UGT2A3: variants seen among roughly 807,000 people sequenced by gnomAD.
UGT2A3 encodes the protein UDP-glucuronosyltransferase 2A3.
UGT2A3 carries 55 observed loss-of-function variants against 44.1 expected under a neutral mutation model. The ratio of observed to expected loss-of-function variants is 1.25; its 90% CI spans 1.00 to 1.56. The LOEUF is 1.56. Among genes scored for constraint, UGT2A3 ranks in the 40% most tolerant of loss-of-function variants. The probability of loss-of-function intolerance (pLI) is 0.00; values close to 1 mark genes in which losing one functional copy is unlikely to be tolerated. For synonymous variants in UGT2A3, 243 were observed against 215.1 expected (o/e 1.13, Z -1.13); for missense variants, 733 against 621.6 (o/e 1.18, Z -1.91).
At chr4:68,932,793 A>G (rs1347468190) in intron 2 of UGT2A3, 34 bp from the exon 3 acceptor site, 6 of 1,570,172 alleles carry the variant, frequency 3.8e-6, no homozygotes, top group South Asian at 3.5e-5. Context: ...TTACAGAGGC[A>G]TAATATAACA....
At chr4:68,940,724 TATATATAATATACACATATATAC>T (rs1186298772) in intron 2 of UGT2A3, among the ~76,000 whole-genome samples, 5 of 146,758 alleles carry the variant, frequency 3.4e-5, no homozygotes, top group African/African-American at 7.6e-5. Context: ...AAGTATTGTA[TATATATAATATACACATATATAC>T]ATATATATAA....
intron 2 of UGT2A3, among the ~76,000 whole-genome samples, chr4:68,943,089 T>C (rs541148473): frequency 6.6e-6 from 1 of 151,838 alleles, no homozygotes; most frequent in Non-Finnish European, 1.5e-5. Flanking sequence ...CCCTAAAATA[T>C]ATCTCAATTA....
chr4:68,940,645 T>G (rs1469202692), intron 2 of UGT2A3, among the ~76,000 whole-genome samples: 1 of 151,408 alleles, frequency 6.6e-6, no homozygotes. Context: ...TGTATACCTA[T>G]GTAACTGACC....
intron 2 of UGT2A3, chr4:68,943,434 C>A: frequency 1.3e-6 from 1 of 743,406 alleles, no homozygotes; most frequent in Non-Finnish European, 1.8e-6. Context: ...CATCAATACA[C>A]ATCTTACTAT....
intron 2 of UGT2A3, among the ~76,000 whole-genome samples, chr4:68,935,272 G>GTGTATATATATA (rs1388458483): frequency 4.5e-5 from 4 of 89,284 alleles, no homozygotes; most frequent in Non-Finnish European, 7.9e-5. Flanking sequence ...ATGTATGTAT[G>GTGTATATATATA]TATGTATATA....
intron 2 of UGT2A3, among the ~76,000 whole-genome samples, chr4:68,934,646 A>G (rs1027788256): frequency 6.6e-6 from 1 of 151,982 alleles, no homozygotes; most frequent in African/African-American, 2.4e-5. Context: ...CAGAGGCTGA[A>G]GAATCACTTG....
chr4:68,951,628 C>T lies in UGT2A3; in HGVS notation c.133G>A (p.Glu45Lys). ...HWLNVKVILE[E>K]LIVRGHEVTV... ...ACCTCATGGCCTCTCACTATGAGCT[C>T]TTCTAGAATGACCTTGACATTAAGC... Residue 45 changes from glutamate (E) to lysine (K), a missense_variant, in exon 1 of 6, where the codon GAG (glutamate) becomes AAG (lysine). Transcript: ENST00000251566. 6.2e-7 allele frequency: 1 copy of T among 1,612,772 alleles called. No individual in the cohort carries two copies. The highest frequency in any genetic ancestry group is 2.2e-5 in the East Asian group (1 of 44,734).
chr4:68,930,851 GA>G (rs1717709885), intron 4 of UGT2A3, 86 bp from the exon 5 acceptor site: 1 of 1,174,246 alleles, frequency 8.5e-7, no homozygotes, highest in African/African-American at 1.6e-5. Flanking sequence ...GGAATTACGA[GA>G]TAACTCACTG....
chr4:68,943,177 A>T (rs13148603), intron 2 of UGT2A3: 319,876 of 398,944 alleles, frequency 0.8, 130,981 homozygotes, highest in Non-Finnish European at 0.86. Context: ...TAAAAATATG[A>T]CTTCTATGAT....
chr4:68,950,917 T>C, intron 1 of UGT2A3, 129 bp downstream of exon 1: 1 of 627,548 alleles, frequency 1.6e-6, no homozygotes, highest in Non-Finnish European at 2.5e-6. Context: ...ACTTTCTTTA[T>C]GAAAAACAGC....
rs1246938602 is a variant in UGT2A3 at position 68,949,875 on chromosome 4, G to T, written c.715+1171C>A. ...TACATAATAAATATAGTTATTAAAT[G>T]AATTTCTTATATATCAAGCTGCTCC... On this transcript the variant is annotated intron_variant, in intron 1 of 5. Coordinates refer to ENST00000251566, the MANE Select transcript of UGT2A3 (RefSeq NM_024743.4). Among the ~76,000 whole-genome samples, 12 of 151,874 alleles carry T rather than the reference G, an allele frequency of 7.9e-5. No individual in the cohort carries two copies. In the South Asian group the frequency reaches 2.1e-3, roughly 26 times the overall value.
At chr4:68,944,776 G>T (rs964777427) in intron 2 of UGT2A3, among the ~76,000 whole-genome samples, 2 of 151,690 alleles carry the variant, frequency 1.3e-5, no homozygotes, top group African/African-American at 4.8e-5. Context: ...CAAACAAGAT[G>T]ACTTCTAAGC....
At chr4:68,945,936 A>G (rs184213950) in intron 1 of UGT2A3, among the ~76,000 whole-genome samples, 92 of 151,740 alleles carry the variant, frequency 6.1e-4, no homozygotes, top group African/African-American at 2.1e-3. Context: ...TCAAGGGTAT[A>G]TCTTTCAATA....
chr4:68,937,581 T>C (rs965720130), intron 2 of UGT2A3, among the ~76,000 whole-genome samples: 1 of 152,142 alleles, frequency 6.6e-6, no homozygotes, highest in African/African-American at 2.4e-5. Context: ...GGGAAATTTA[T>C]ATCACTGAAT....
chr4:68,930,730 C>T lies in UGT2A3; in HGVS notation c.1120G>A (p.Gly374Arg), dbSNP rs1369692212. 1 of 1,606,642 alleles carries T rather than the reference C, an allele frequency of 6.2e-7. No homozygotes were observed. Among genetic ancestry groups the T allele is most frequent in the South Asian group, 1.1e-5 (1 of 89,790 alleles). Residue 374 changes from glycine to arginine, a missense_variant, in exon 5 of 6, where the codon GGA becomes AGA. By Grantham distance (125) the Gly-to-Arg change is moderately radical. Coordinates refer to ENST00000251566, the MANE Select transcript of UGT2A3 (RefSeq NM_024743.4). ...PKTKAFITHG[G>R]MNGIYEAIYH... ...ATAGCTTCATAGATCCCATTCATTC[C>T]ACCATGAGTGATAAAAGCTTTGGTT...
At chr4:68,949,595 C>T (rs541070619) in intron 1 of UGT2A3, among the ~76,000 whole-genome samples, 18 of 151,954 alleles carry the variant, frequency 1.2e-4, no homozygotes, top group Middle Eastern at 3.4e-3. Flanking sequence ...GGAAATATTA[C>T]GCCAAATTGA....
At position 68,930,548 on chromosome 4, in the gene UGT2A3, G is replaced by A. The variant is rs775919685; in HGVS notation, c.1302C>T (p.Ser434=). Residue 434 remains serine (S), a splice_region_variant and synonymous_variant, in exon 5 of 6, where the codon TCC becomes TCT. Coordinates refer to ENST00000251566, the MANE Select transcript of UGT2A3 (RefSeq NM_024743.4). ...TCTGTACAAGCAGTAGTACTTACGA[G>A]GAATCGGTAATGACTGTTCTCAAAG... ...LRALRTVITD[S]SYKENAMRLS... is the part of the protein sequence containing the mutation. 3 of 1,606,538 alleles carry A rather than the reference G, an allele frequency of 1.9e-6. No homozygotes were observed. The highest frequency in any genetic ancestry group is 2.2e-5 in the South Asian group (2 of 90,012).
intron 2 of UGT2A3, among the ~76,000 whole-genome samples, chr4:68,935,270 A>ATG (rs370515026): frequency 0.71 from 62,523 of 87,648 alleles, 21,191 homozygotes; most frequent in South Asian, 0.79. Flanking sequence ...GTATGTATGT[A>ATG]TGTATGTATA....
At chr4:68,930,516 A>G (rs938810241) in intron 5 of UGT2A3, 30 bp downstream of exon 5, 1 of 1,553,914 alleles carries the variant, frequency 6.4e-7, no homozygotes, top group Admixed American at 1.9e-5. Flanking sequence ...AGTCAATGTT[A>G]GATCAGTCTG....
Sources: gnomAD v4.1 joint callset for allele counts (sites outside exome capture counted in the v4.1 genomes callset) on GRCh38, gnomAD v4.1.1 for gene constraint, MANE v1.5 for transcripts, NCBI Gene and HGNC (gene_info 2026-07-23, HGNC 2026-07-21) for gene names.